Variants in BTBD10 observed in about 807,000 individuals in gnomAD.
BTBD10 encodes BTB domain containing 10.
Under a neutral mutation model 53.2 loss-of-function variants are expected in BTBD10, and 21 were observed. The observed-to-expected ratio is 0.39, with a 90% CI of 0.28 to 0.57. The LOEUF (loss-of-function observed/expected upper bound fraction) is 0.57, where lower values mean the gene tolerates loss of function less well. Among genes scored for constraint, BTBD10 ranks in the 20% least tolerant of loss-of-function variants. The pLI is 0.53. For missense variants in BTBD10, 360 were observed against 594.7 expected (o/e 0.61, Z 4.10); for synonymous variants, 149 against 192.7 (o/e 0.77, Z 1.88).
At chr11:13,399,933 C>T (rs531718472) in intron 8 of BTBD10, among the ~76,000 whole-genome samples, 2 of 152,242 alleles carry the variant, frequency 1.3e-5, no homozygotes, top group East Asian at 1.9e-4. Context: ...AGTACCCGGC[C>T]GTGTGAGGTG....
chr11:13,443,322 T>C (rs1053475570), intron 2 of BTBD10, among the ~76,000 whole-genome samples: 7 of 152,032 alleles, frequency 4.6e-5, no homozygotes, highest in South Asian at 2.1e-4. Context: ...CTTTGAGTAT[T>C]TGTTACTGAC....
At chr11:13,432,453 G>GT (rs2134000231) in intron 2 of BTBD10, among the ~76,000 whole-genome samples, 1 of 152,268 alleles carries the variant, frequency 6.6e-6, no homozygotes, top group African/African-American at 2.4e-5. Context: ...CTAAAGTTAT[G>GT]TAAGATGTTA....
chr11:13,421,581 C>T lies in BTBD10; in HGVS notation c.298+61G>A, dbSNP rs1950242725. 32 of 1,432,752 alleles carry T rather than the reference C, an allele frequency of 2.2e-5. No homozygotes were observed. In the East Asian group the frequency reaches 7.4e-4, roughly 33 times the overall value. The allele number at this position is 1,432,752 out of a possible 1,614,324, so 88.8% of individuals were successfully genotyped here. On this transcript the variant is annotated intron_variant, in intron 3 of 8. Transcript: ENST00000278174. ...TAGGCACAATTCAATGTCATTACTA[C>T]TTTAAAAAGGTAAATGCATGTTTTT...
intron 1 of BTBD10, among the ~76,000 whole-genome samples, chr11:13,451,064 G>A (rs1950848090): frequency 1.3e-5 from 2 of 152,258 alleles, no homozygotes; most frequent in South Asian, 2.1e-4. Context: ...TGAAATTTCA[G>A]GTAGATGTAG....
At chr11:13,409,187 C>T (rs1193312774) in intron 6 of BTBD10, among the ~76,000 whole-genome samples, 1 of 152,174 alleles carries the variant, frequency 6.6e-6, no homozygotes, top group Admixed American at 6.5e-5. Flanking sequence ...CTCAAATATA[C>T]CAGACAAGCT....
intron 7 of BTBD10, among the ~76,000 whole-genome samples, chr11:13,404,370 A>C (rs1286120462): frequency 6.6e-6 from 1 of 152,188 alleles, no homozygotes; most frequent in East Asian, 1.9e-4. Flanking sequence ...AAGAAAACAA[A>C]AATATTGAAG....
chr11:13,398,446 G>C (rs959860420), intron 8 of BTBD10, among the ~76,000 whole-genome samples: 75 of 152,296 alleles, frequency 4.9e-4, no homozygotes, highest in African/African-American at 1.7e-3. Context: ...CTCTGCATGT[G>C]AGATGGGTCT....
chr11:13,411,144 C>T (rs550477396), intron 6 of BTBD10, among the ~76,000 whole-genome samples: 109 of 152,248 alleles, frequency 7.2e-4, no homozygotes, highest in Non-Finnish European at 1.4e-3. Context: ...ATTAGTTCAG[C>T]AAACATTTTG....
chr11:13,427,771 G>T (rs1950369745), intron 2 of BTBD10, among the ~76,000 whole-genome samples: 1 of 152,052 alleles, frequency 6.6e-6, no homozygotes, highest in Non-Finnish European at 1.5e-5. Flanking sequence ...ATCATACAAA[G>T]TATGTTCTCT....
intron 8 of BTBD10, among the ~76,000 whole-genome samples, chr11:13,400,883 A>G (rs547192426): frequency 6.6e-6 from 1 of 152,216 alleles, no homozygotes; most frequent in Non-Finnish European, 1.5e-5. Context: ...CAATAGGACA[A>G]TATCATAAAT....
At chr11:13,433,733 T>G (rs1950497027) in intron 2 of BTBD10, among the ~76,000 whole-genome samples, 1 of 152,134 alleles carries the variant, frequency 6.6e-6, no homozygotes, top group South Asian at 2.1e-4. Flanking sequence ...CAAAGTTGAG[T>G]GGTTAGGACA....
chr11:13,449,783 C>T (rs1950820746), intron 1 of BTBD10, among the ~76,000 whole-genome samples: 1 of 152,202 alleles, frequency 6.6e-6, no homozygotes, highest in Non-Finnish European at 1.5e-5. Context: ...TGAGAGAAAA[C>T]ACTAAGGGCT....
At chr11:13,416,938 T>C (rs1005426573) in intron 5 of BTBD10, among the ~76,000 whole-genome samples, 6 of 152,146 alleles carry the variant, frequency 3.9e-5, no homozygotes, top group Non-Finnish European at 5.9e-5. Context: ...TGAGCTATGA[T>C]TGTGCCACTG....
At chr11:13,412,723 A>G (rs1356982382) in intron 6 of BTBD10, among the ~76,000 whole-genome samples, 1 of 152,190 alleles carries the variant, frequency 6.6e-6, no homozygotes, top group Non-Finnish European at 1.5e-5. Context: ...ATTCTTTACT[A>G]CGTATTTCCA....
At chr11:13,416,994 A>C (rs1452956785) in intron 5 of BTBD10, among the ~76,000 whole-genome samples, 164 bp downstream of exon 5, 1 of 152,198 alleles carries the variant, frequency 6.6e-6, no homozygotes, top group East Asian at 1.9e-4. Flanking sequence ...GTTGCAAAAT[A>C]AAAATATAAA....
chr11:13,389,559 CG>C (rs903776969), intron 8 of BTBD10, among the ~76,000 whole-genome samples: 2 of 152,032 alleles, frequency 1.3e-5, no homozygotes, highest in Admixed American at 1.3e-4. Context: ...TCCAGAGTAG[CG>C]CGGATTACAG....
intron 8 of BTBD10, among the ~76,000 whole-genome samples, chr11:13,402,233 A>C (rs1949730139): frequency 6.6e-6 from 1 of 152,202 alleles, no homozygotes; most frequent in Non-Finnish European, 1.5e-5. Context: ...ATATCTCAGC[A>C]GCCCATTACT....
intron 2 of BTBD10, chr11:13,439,795 G>C (rs1950612969): frequency 9.4e-7 from 1 of 1,061,770 alleles, no homozygotes; most frequent in Admixed American, 3.0e-5. Flanking sequence ...TGAAACAAAG[G>C]TCACACATAT....
chr11:13,420,317 AT>A (rs150881151), intron 3 of BTBD10, among the ~76,000 whole-genome samples: 12 of 150,832 alleles, frequency 8.0e-5, no homozygotes, highest in South Asian at 6.3e-4. Flanking sequence ...AGTAAGAAGT[AT>A]TTTTTTTTAA....
Sources: gnomAD v4.1 joint callset for allele counts (sites outside exome capture counted in the v4.1 genomes callset) on GRCh38, gnomAD v4.1.1 for gene constraint, MANE v1.5 for transcripts, NCBI Gene and HGNC (gene_info 2026-07-23, HGNC 2026-07-21) for gene names.